Variants in SYT11 observed in about 807,000 individuals in gnomAD.
SYT11 encodes synaptotagmin 11, also known as synaptotagmin-11.
SYT11 carries 12 observed loss-of-function variants against 30.4 expected under a neutral mutation model. The ratio of observed to expected loss-of-function variants is 0.39; its 90% CI spans 0.25 to 0.64. SYT11 has a LOEUF of 0.64. SYT11 is among the 30% of genes least tolerant of loss of function. The probability of loss-of-function intolerance (pLI) is 0.45; values close to 1 mark genes in which losing one functional copy is unlikely to be tolerated. For synonymous variants in SYT11, 204 were observed against 216.0 expected (o/e 0.94, Z 0.49); for missense variants, 412 against 552.0 (o/e 0.75, Z 2.54).
Position 155,868,885 on chromosome 1 carries a change from G to A in SYT11, c.861+94G>A, listed in dbSNP as rs1471479037. 1.7e-6 allele frequency: 2 copies of A among 1,186,712 alleles called. No homozygotes were observed. The highest frequency in any genetic ancestry group is 1.5e-5 in the African/African-American group (1 of 66,250). The allele number at this position is 1,186,712 out of a possible 1,614,324, so 73.5% of individuals were successfully genotyped here. A position where few individuals can be genotyped will look rare whatever the true frequency, so the allele number is the denominator to read the frequency against. ...AAGTGGGAGGGGAGTGGGTTGGGTG[G>A]CAAAGAAGGGCTGTAGAGAGGAAGC... On this transcript the variant is annotated intron_variant, in intron 2 of 3. Coordinates refer to ENST00000368324, the MANE Select transcript of SYT11 (RefSeq NM_152280.5). The surrounding 1 kb of genome is among the most constrained non-coding windows in gnomAD (Gnocchi z 4.7).
Position 155,860,659 on chromosome 1 carries a change from C to A in SYT11, c.34+864C>A, listed in dbSNP as rs1571970049. On this transcript the variant is annotated intron_variant, in intron 1 of 3. Transcript: ENST00000368324. The surrounding 1 kb of genome is among the most constrained non-coding windows in gnomAD (Gnocchi z 4.1). ...GCCCGGGGGAGGCCGCTTTGTGTAC[C>A]GCAGAAAGCATTACGTCATTTCAGA... Among the ~76,000 whole-genome samples, 1 of 152,160 alleles carries A rather than the reference C, an allele frequency of 6.6e-6. No individual in the cohort carries two copies. The highest frequency in any genetic ancestry group is 1.9e-4 in the East Asian group (1 of 5,182).
chr1:155,870,852 G>T (rs1182193374), intron 2 of SYT11, among the ~76,000 whole-genome samples: 1 of 151,470 alleles, frequency 6.6e-6, no homozygotes, highest in Non-Finnish European at 1.5e-5. Flanking sequence ...TTGCCTGAAG[G>T]AACTGCTACT....
In SYT11 at chr1:155,868,707, C is replaced by A. The variant is rs147010474; in HGVS notation, c.777C>A (p.Gly259=). The A allele has an allele frequency of 1.2e-4, 188 of 1,614,168 alleles. No homozygotes were observed. The highest frequency in any genetic ancestry group is 2.0e-4 in the Admixed American group (12 of 60,012). Residue 259 remains glycine, a synonymous_variant, in exon 2 of 4, where the codon GGC becomes GGA. Transcript: ENST00000368324. This position sits in a 1 kb window ranked among gnomAD's most constrained non-coding sequence, Gnocchi z 4.7. ...FDRFSRDDVI[G]EVMVPLAGVD... is the part of the protein sequence containing the mutation. ...GCTTCTCTCGGGATGATGTCATTGGCGAGGTCATGGTGCCACTGGCAGGGG... is the reference window on the plus strand; with the variant it reads ...GCTTCTCTCGGGATGATGTCATTGGAGAGGTCATGGTGCCACTGGCAGGGG...
chr1:155,873,602 C>T lies in SYT11; in HGVS notation c.861+4811C>T, dbSNP rs530901851. On this transcript the variant is annotated intron_variant, in intron 2 of 3. Transcript: ENST00000368324. ...TTTTATTATTATTCATGGAAACAGA[C>T]GGGAGCAGTAGCCAAAACAATGCAA... 8.5e-5 allele frequency among the ~76,000 whole-genome samples: 13 copies of T among 152,192 alleles called. No homozygotes were observed. In the South Asian group the frequency reaches 2.1e-3, roughly 24 times the overall value.
chr1:155,866,967 TACACACAC>T (rs60368180), intron 1 of SYT11, among the ~76,000 whole-genome samples: 33 of 146,686 alleles, frequency 2.2e-4, no homozygotes, highest in East Asian at 1.6e-3. Context: ...TATATACACA[TACACACAC>T]ACACACACAC....
intron 2 of SYT11, among the ~76,000 whole-genome samples, chr1:155,869,596 C>G (rs1672751012): frequency 6.6e-6 from 1 of 152,094 alleles, no homozygotes; most frequent in South Asian, 2.1e-4. Flanking sequence ...TTCTTATGAC[C>G]ATTTTACAAT....
At chr1:155,875,340 A>G (rs150054223) in intron 2 of SYT11, among the ~76,000 whole-genome samples, 1 of 151,696 alleles carries the variant, frequency 6.6e-6, no homozygotes, top group African/African-American at 2.4e-5. Context: ...ACATGAAAAT[A>G]TTTTTAAAGT....
At chr1:155,862,330 GGACTAAAGCAA>G (rs1180026706) in intron 1 of SYT11, among the ~76,000 whole-genome samples, 1 of 152,138 alleles carries the variant, frequency 6.6e-6, no homozygotes, top group Non-Finnish European at 1.5e-5. Flanking sequence ...ACCAAGCTTT[GGACTAAAGCAA>G]GACAGAGAGC....
At chr1:155,878,017 C>T (rs970060545) in intron 2 of SYT11, among the ~76,000 whole-genome samples, 5 of 152,086 alleles carry the variant, frequency 3.3e-5, no homozygotes, top group African/African-American at 4.8e-5. Context: ...CCAAGGTGGG[C>T]GGATTGCTTG....
chr1:155,884,712 G>C lies in SYT11; in HGVS notation c.*3204G>C, dbSNP rs1337662298. 6.5e-6 allele frequency: 1 copy of C among 152,782 alleles called. No individual in the cohort carries two copies. The highest frequency in any genetic ancestry group is 1.5e-5 in the Non-Finnish European group (1 of 68,040). 9.5% of individuals were successfully genotyped at this position (152,782 alleles called of 1,614,324 possible). ...GTTGCTCCTTCTCTGAAGAGATCTT[G>C]ATTCCTTTGGGAAGACAAGAATTTT... On this transcript the variant is annotated 3_prime_UTR_variant, in exon 4 of 4. Transcript: ENST00000368324.
chr1:155,878,880 T>C (rs1036020831), intron 2 of SYT11, among the ~76,000 whole-genome samples: 1 of 150,484 alleles, frequency 6.6e-6, no homozygotes, highest in African/African-American at 2.4e-5. Context: ...AAAAATAAAA[T>C]TAAAAAATAA....
At position 155,881,239 on chromosome 1, in the gene SYT11, A is replaced by G. The variant is rs138327201; in HGVS notation, c.1027A>G (p.Ile343Val). 2 of 1,614,174 alleles carry G rather than the reference A, an allele frequency of 1.2e-6. No homozygotes were observed. The highest frequency in any genetic ancestry group is 1.7e-6 in the Non-Finnish European group (2 of 1,180,034). Residue 343 changes from isoleucine (I) to valine (V), a missense_variant, in exon 4 of 4, where the codon ATT becomes GTT. Ile to Val is a conservative substitution (Grantham distance 29). Transcript: ENST00000368324. ...GAACGTCTACTACGGCAGAAAGCGCATTGCCAAGAAGAAAACCCATGTGAA... is the reference window on the plus strand; with the variant it reads ...GAACGTCTACTACGGCAGAAAGCGCGTTGCCAAGAAGAAAACCCATGTGAA... ...KVNVYYGRKRIAKKKTHVKKC... is the reference protein window; with the variant it reads ...KVNVYYGRKRVAKKKTHVKKC...
In SYT11 at chr1:155,881,310, C is replaced by T. The variant is rs149847647; in HGVS notation, c.1098C>T (p.Asp366=). Residue 366 remains aspartate (D), a synonymous_variant, in exon 4 of 4, where the codon GAC becomes GAT. Coordinates refer to ENST00000368324, the MANE Select transcript of SYT11 (RefSeq NM_152280.5). The part of the protein sequence containing the change: ...NPIFNESFIY[D]IPTDLLPDIS... ...TCTTCAATGAATCTTTCATCTACGA[C>T]ATCCCCACTGACCTCCTGCCTGATA... is the stretch of plus-strand genomic sequence containing the variant. 20 of 1,614,080 alleles carry T rather than the reference C, an allele frequency of 1.2e-5. No homozygotes were observed. The highest frequency in any genetic ancestry group is 1.5e-5 in the Non-Finnish European group (18 of 1,180,050).
intron 2 of SYT11, among the ~76,000 whole-genome samples, chr1:155,879,086 ACCTGGCATGCAGTG>A (rs1238900627): frequency 6.6e-6 from 1 of 151,660 alleles, no homozygotes; most frequent in Non-Finnish European, 1.5e-5. Context: ...GATCCTCAAA[ACCTGGCATGCAGTG>A]CCTATGAAAA....
In SYT11 at chr1:155,860,054, C is replaced by T. The variant is rs1411981331; in HGVS notation, c.34+259C>T. 6.6e-6 allele frequency among the ~76,000 whole-genome samples: 1 copy of T among 152,256 alleles called. No homozygotes were observed. The highest frequency in any genetic ancestry group is 1.9e-4 in the East Asian group (1 of 5,206). ...CAGGATGCTAAAACCTTGTATGGTG[C>T]ACTGTCAGCACTGCTGGAGGTGAGA... On this transcript the variant is annotated intron_variant, in intron 1 of 3. Transcript: ENST00000368324. The surrounding 1 kb of genome is among the most constrained non-coding windows in gnomAD (Gnocchi z 4.1).
intron 2 of SYT11, among the ~76,000 whole-genome samples, chr1:155,870,496 G>C (rs1030105304): frequency 6.6e-6 from 1 of 152,204 alleles, no homozygotes; most frequent in African/African-American, 2.4e-5. Context: ...GGTGAAGGAG[G>C]TTAGGAAAGA....
In SYT11 at chr1:155,885,100, C is replaced by T. The variant is rs1673045887; in HGVS notation, c.*3592C>T. ...ATGAATTGTGTGAAATTGCATAATG[C>T]TGTAATGCTAATCTACAATATGTAA... On this transcript the variant is annotated 3_prime_UTR_variant, in exon 4 of 4. Transcript: ENST00000368324. 6.6e-6 allele frequency: 1 copy of T among 152,420 alleles called. No homozygotes were observed. Among genetic ancestry groups the T allele is most frequent in the Admixed American group, 6.6e-5 (1 of 15,220 alleles). 9.4% of individuals were successfully genotyped at this position (152,420 alleles called of 1,614,324 possible).
chr1:155,875,035 A>G (rs1027746862), intron 2 of SYT11, among the ~76,000 whole-genome samples: 1 of 150,058 alleles, frequency 6.7e-6, no homozygotes. Flanking sequence ...CAGGCAGATC[A>G]TGAGGTCAGG....
intron 1 of SYT11, among the ~76,000 whole-genome samples, chr1:155,865,519 T>A (rs1438403527): frequency 2.0e-5 from 3 of 151,586 alleles, no homozygotes; most frequent in Non-Finnish European, 2.9e-5. Flanking sequence ...TCCCAGCTAC[T>A]CGGGAGGCTG....
Sources: gnomAD v4.1 joint callset for allele counts (sites outside exome capture counted in the v4.1 genomes callset) on GRCh38, gnomAD v4.1.1 for gene constraint, Gnocchi (gnomAD v3.1) non-coding constraint, MANE v1.5 for transcripts, NCBI Gene and HGNC (gene_info 2026-07-23, HGNC 2026-07-21) for gene names.